XKR6: variants seen among roughly 807,000 people sequenced by gnomAD.
The protein encoded by XKR6 is XK related 6, also known as XK-related protein 6.
Under a neutral mutation model 56.7 loss-of-function variants are expected in XKR6, and 22 were observed. The observed-to-expected ratio is 0.39, with a 90% CI of 0.28 to 0.55. The LOEUF (loss-of-function observed/expected upper bound fraction) is 0.55. Ranked by LOEUF, XKR6 falls within the 20% of genes least tolerant of loss-of-function variation. The probability of loss-of-function intolerance (pLI) is 0.66; values close to 1 mark genes in which losing one functional copy is unlikely to be tolerated. For synonymous variants in XKR6, 524 were observed against 387.8 expected (o/e 1.35, Z -4.13); for missense variants, 852 against 889.0 (o/e 0.96, Z 0.53).
At chr8:11,120,288 C>T (rs1799384845) in intron 1 of XKR6, among the ~76,000 whole-genome samples, 1 of 152,180 alleles carries the variant, frequency 6.6e-6, no homozygotes, top group South Asian at 2.1e-4. Context: ...TAGAAAACCC[C>T]ATCGCCTCAG....
chr8:10,956,323 C>A (rs1376192141), intron 1 of XKR6, among the ~76,000 whole-genome samples: 1 of 198 alleles, frequency 5.1e-3, no homozygotes, highest in African/African-American at 0.024. Flanking sequence ...CTGAAAGGCG[C>A]CCCGGGATGT....
intron 1 of XKR6, among the ~76,000 whole-genome samples, chr8:11,007,662 G>GAAAC (rs969150573): frequency 2.6e-5 from 4 of 152,084 alleles, no homozygotes; most frequent in Non-Finnish European, 4.4e-5. Context: ...GAAGAGGCAG[G>GAAAC]AAACAAACAA....
chr8:10,919,607 G>T (rs879857892), intron 2 of XKR6, among the ~76,000 whole-genome samples: 4 of 152,186 alleles, frequency 2.6e-5, no homozygotes, highest in African/African-American at 4.8e-5. Flanking sequence ...AACCCAAAAA[G>T]TACTTGTTAT....
chr8:11,008,447 G>A lies in XKR6; in HGVS notation c.765-83617C>T, dbSNP rs540170100. On this transcript the variant is annotated intron_variant, in intron 1 of 2. Coordinates refer to ENST00000416569, the MANE Select transcript of XKR6 (RefSeq NM_173683.4). ...TTTTTTTTTTTTTTTTTTTGACAGG[G>A]TCTCGCTTTGTCACCCAGCCTGGAA... 2.3e-3 allele frequency among the ~76,000 whole-genome samples: 316 copies of A among 138,772 alleles called. 3 individuals carry two copies. The highest frequency in any genetic ancestry group is 8.6e-3 in the African/African-American group (297 of 34,520). The allele number at this position is 138,772 out of a possible 152,430, so 91.0% of individuals were successfully genotyped here.
In XKR6 at chr8:11,173,674, C is replaced by T. The variant is rs149876070; in HGVS notation, c.764+26902G>A. Among the ~76,000 whole-genome samples the T allele has an allele frequency of 4.4e-3, 670 of 152,248 alleles. 3 individuals carry two copies. The highest frequency in any genetic ancestry group is 0.015 in the African/African-American group (618 of 41,542). On this transcript the variant is annotated intron_variant, in intron 1 of 2. Coordinates refer to ENST00000416569, the MANE Select transcript of XKR6 (RefSeq NM_173683.4). ...ATGGGAAACTCCCACTGTGAGGGAGCAGTTGTTACTGTGATTCCAATTACA... is the reference window on the plus strand; with the variant it reads ...ATGGGAAACTCCCACTGTGAGGGAGTAGTTGTTACTGTGATTCCAATTACA...
intron 1 of XKR6, among the ~76,000 whole-genome samples, chr8:11,095,206 G>A (rs1046716666): frequency 3.3e-5 from 5 of 152,132 alleles, no homozygotes; most frequent in Non-Finnish European, 7.4e-5. Flanking sequence ...GACATTTTTG[G>A]TTGACTTTCT....
At chr8:10,913,683 C>T (rs1050665660) in intron 2 of XKR6, among the ~76,000 whole-genome samples, 5 of 152,202 alleles carry the variant, frequency 3.3e-5, no homozygotes, top group Admixed American at 6.5e-5. Context: ...GATGCAGATG[C>T]GGACCAGGTG....
At chr8:11,140,897 CA>C (rs35388667) in intron 1 of XKR6, among the ~76,000 whole-genome samples, 114 of 88,120 alleles carry the variant, frequency 1.3e-3, no homozygotes, top group Middle Eastern at 6.4e-3. Context: ...GACTCTGTCT[CA>C]AAAAAAAAAA....
At chr8:11,019,364 A>T (rs1326139794) in intron 1 of XKR6, among the ~76,000 whole-genome samples, 1 of 152,238 alleles carries the variant, frequency 6.6e-6, no homozygotes, top group Admixed American at 6.5e-5. Flanking sequence ...CCCCTGGTAA[A>T]GACACAAGAA....
At chr8:10,950,342 G>T (rs1801680483) in intron 1 of XKR6, among the ~76,000 whole-genome samples, 1 of 152,224 alleles carries the variant, frequency 6.6e-6, no homozygotes, top group Non-Finnish European at 1.5e-5. Context: ...TCTTCCCAGG[G>T]AGCACAAGCT....
chr8:11,016,748 C>A (rs1227001352), intron 1 of XKR6, among the ~76,000 whole-genome samples: 1 of 152,156 alleles, frequency 6.6e-6, no homozygotes, highest in Non-Finnish European at 1.5e-5. Flanking sequence ...TGCTCCCCAA[C>A]CCCTCCTTGC....
At chr8:11,194,147 C>T (rs1458082115) in intron 1 of XKR6, among the ~76,000 whole-genome samples, 1 of 152,176 alleles carries the variant, frequency 6.6e-6, no homozygotes, top group Non-Finnish European at 1.5e-5. Flanking sequence ...GTGATCAAAC[C>T]AGAATCTGAA....
In XKR6 at chr8:11,201,219, C is replaced by CGCCGCA. The variant is rs757633263; in HGVS notation, c.115_120dup (p.Cys39_Gly40dup). ...CCGGGCTCGCTGCCGTCGCCGCCGC[C>CGCCGCA]GCCGCAGCCGCCTCCCCCGGGCTCC... On this transcript the variant is annotated inframe_insertion, in exon 1 of 3. Transcript: ENST00000416569. 9 of 1,538,068 alleles carry CGCCGCA rather than the reference C, an allele frequency of 5.9e-6. No homozygotes were observed. The highest frequency in any genetic ancestry group is 2.8e-5 in the African/African-American group (2 of 72,538).
chr8:11,172,356 C>T (rs1197314838), intron 1 of XKR6, among the ~76,000 whole-genome samples: 1 of 152,032 alleles, frequency 6.6e-6, no homozygotes, highest in Non-Finnish European at 1.5e-5. Context: ...GTCGACAGAC[C>T]CTGTCTCAAA....
chr8:11,103,512 T>C (rs956469095), intron 1 of XKR6, among the ~76,000 whole-genome samples: 96 of 152,346 alleles, frequency 6.3e-4, no homozygotes, highest in African/African-American at 2.1e-3. Flanking sequence ...CAATATTTTC[T>C]AGATTCCACA....
intron 1 of XKR6, among the ~76,000 whole-genome samples, chr8:11,110,059 A>C (rs932756376): frequency 6.6e-6 from 1 of 151,820 alleles, no homozygotes; most frequent in Admixed American, 6.6e-5. Flanking sequence ...TGCAGCCTCC[A>C]CCTCCCGGGT....
At chr8:11,168,748 G>C (rs777531877) in intron 1 of XKR6, among the ~76,000 whole-genome samples, 1 of 152,152 alleles carries the variant, frequency 6.6e-6, no homozygotes, top group Non-Finnish European at 1.5e-5. Flanking sequence ...TTTAAAAAGA[G>C]AAACAGCCTG....
intron 1 of XKR6, among the ~76,000 whole-genome samples, chr8:11,178,626 CAAAT>C (rs1470265740): frequency 3.1e-5 from 4 of 128,288 alleles, no homozygotes; most frequent in Non-Finnish European, 6.1e-5. Flanking sequence ...TATACACACA[CAAAT>C]ATATATATAC....
At chr8:10,955,642 A>G (rs1363499210) in intron 1 of XKR6, among the ~76,000 whole-genome samples, 1 of 152,224 alleles carries the variant, frequency 6.6e-6, no homozygotes, top group Non-Finnish European at 1.5e-5. Context: ...CACAAGTAGT[A>G]GACAGCAGAG....
Sources: gnomAD v4.1 joint callset for allele counts (sites outside exome capture counted in the v4.1 genomes callset) on GRCh38, gnomAD v4.1.1 for gene constraint, MANE v1.5 for transcripts, NCBI Gene and HGNC (gene_info 2026-07-23, HGNC 2026-07-21) for gene names.